The following SCYL2 variants were observed in gnomAD, a reference collection of about 807,000 sequenced individuals.
SCYL2 encodes the protein SCY1 like pseudokinase 2, also known as SCY1-like protein 2.
SCYL2 carries 36 observed loss-of-function variants against 100.4 expected under a neutral mutation model. That is an observed-to-expected ratio of 0.36 (90% CI 0.27 to 0.47). The LOEUF (loss-of-function observed/expected upper bound fraction) is 0.47, where lower values mean the gene tolerates loss of function less well. Ranked by LOEUF, SCYL2 falls within the 20% of genes least tolerant of loss-of-function variation. The pLI, the probability that SCYL2 is intolerant of heterozygous loss-of-function variation, is 1.00. For synonymous variants in SCYL2, 330 were observed against 359.2 expected (o/e 0.92, Z 0.92); for missense variants, 902 against 1,083.9 (o/e 0.83, Z 2.36).
chr12:100,295,696 AGGGAGAGGGAGACCGTGGGGAGAC>A (rs1389130994), intron 3 of SCYL2, among the ~76,000 whole-genome samples: 2 of 150,802 alleles, frequency 1.3e-5, no homozygotes, highest in Admixed American at 6.6e-5. Context: ...GTGGAAACAG[AGGGAGAGGGAGACCGTGGGGAGAC>A]GGGAGAGGGA....
Position 100,313,372 on chromosome 12 carries a change from G to A in SCYL2, c.853-50G>A, listed in dbSNP as rs750934873. 1.6e-4 allele frequency: 133 copies of A among 809,548 alleles called. 2 individuals carry two copies. In the Admixed American group the frequency reaches 3.1e-3, roughly 19 times the overall value. The allele number at this position is 809,548 out of a possible 1,614,324, so 50.1% of individuals were successfully genotyped here. A position where few individuals can be genotyped will look rare whatever the true frequency, so the allele number is the denominator to read the frequency against. The stretch of plus-strand genomic sequence containing the variant: ...TTTAAATGTTTTCTTAAATGTATAT[G>A]TCTTTTTAAATATTTTATACTCATT... On this transcript the variant is annotated intron_variant, in intron 6 of 17. Coordinates refer to ENST00000360820, the MANE Select transcript of SCYL2 (RefSeq NM_017988.6).
intron 17 of SCYL2, among the ~76,000 whole-genome samples, chr12:100,337,783 C>T (rs1192340489): frequency 6.6e-6 from 1 of 152,166 alleles, no homozygotes. Flanking sequence ...TCATTCAACT[C>T]TGTTCACTCT....
chr12:100,333,914 A>G (rs546560012), intron 13 of SCYL2: 3 of 315,738 alleles, frequency 9.5e-6, no homozygotes, highest in Admixed American at 9.6e-5. Context: ...AGTAAAACTC[A>G]TTATTGAGAC....
chr12:100,283,948 C>G (rs1159470436), intron 2 of SCYL2, among the ~76,000 whole-genome samples: 1 of 152,100 alleles, frequency 6.6e-6, no homozygotes, highest in Non-Finnish European at 1.5e-5. Context: ...CGATTTGTTA[C>G]TTTTGAACAT....
In SCYL2 at chr12:100,334,771, C is replaced by T. The variant is rs77221369; in HGVS notation, c.1862+505C>T. ...AAATTATTTGCAGAAAACTAGTATT[C>T]AAAGAAGGCAAAGATGGAAATCGTT... On this transcript the variant is annotated intron_variant, in intron 14 of 17. Coordinates refer to ENST00000360820, the MANE Select transcript of SCYL2 (RefSeq NM_017988.6). Among the ~76,000 whole-genome samples, 1,038 of 151,902 alleles carry T rather than the reference C, an allele frequency of 6.8e-3. 14 individuals carry two copies. Among genetic ancestry groups the T allele is most frequent in the Non-Finnish European group, 7.6e-3 (515 of 67,874 alleles).
intron 12 of SCYL2, among the ~76,000 whole-genome samples, 159 bp from the exon 13 acceptor site, chr12:100,329,042 T>C (rs1418046207): frequency 6.6e-6 from 1 of 152,210 alleles, no homozygotes; most frequent in Non-Finnish European, 1.5e-5. Context: ...GCTGAAATCA[T>C]TCTGATTCAT....
intron 1 of SCYL2, among the ~76,000 whole-genome samples, chr12:100,278,187 A>G (rs2096294480): frequency 6.6e-6 from 1 of 151,926 alleles, no homozygotes; most frequent in Non-Finnish European, 1.5e-5. Context: ...AAAAACTTTA[A>G]GTTTTTTTTG....
chr12:100,295,144 G>T (rs1245401065), intron 3 of SCYL2, among the ~76,000 whole-genome samples: 4 of 151,814 alleles, frequency 2.6e-5, no homozygotes, highest in South Asian at 4.1e-4. Context: ...TGGGATGGCG[G>T]CAGGGAAGAG....
chr12:100,319,524 C>G (rs1367950734), intron 10 of SCYL2, among the ~76,000 whole-genome samples: 1 of 152,112 alleles, frequency 6.6e-6, no homozygotes, highest in African/African-American at 2.4e-5. Flanking sequence ...TGTAACTTTG[C>G]TAAGATTTGG....
chr12:100,333,883 T>C (rs901621602), intron 13 of SCYL2: 2 of 252,132 alleles, frequency 7.9e-6, no homozygotes, highest in African/African-American at 2.3e-5. Flanking sequence ...CCCTGAATAA[T>C]AGCTATTAAA....
In SCYL2 at chr12:100,267,279, G is replaced by A. The variant is rs1322593160; in HGVS notation, c.-542G>A. On this transcript the variant is annotated 5_prime_UTR_variant, in exon 1 of 18. The change abolishes an upstream ATG in the 5' untranslated region. Transcript: ENST00000360820. ...CGGCCGCGGGGGCGGCGGAGGATAT[G>A]GAGTAAAGCCAGAGTCAGTGGCCAG... 1 of 582,926 alleles carries A rather than the reference G, an allele frequency of 1.7e-6. No individual in the cohort carries two copies. The highest frequency in any genetic ancestry group is 3.0e-6 in the Non-Finnish European group (1 of 333,282). 36.1% of individuals were successfully genotyped at this position (582,926 alleles called of 1,614,324 possible).
chr12:100,274,571 A>G (rs940583488), intron 1 of SCYL2, among the ~76,000 whole-genome samples: 1 of 152,138 alleles, frequency 6.6e-6, no homozygotes, highest in Non-Finnish European at 1.5e-5. Context: ...CTTGTGCTTT[A>G]CTCTTAAGTG....
chr12:100,329,114 A>T, intron 12 of SCYL2, 87 bp from the exon 13 acceptor site: 1 of 678,430 alleles, frequency 1.5e-6, no homozygotes, highest in South Asian at 1.7e-5. Context: ...CAGATTATCA[A>T]GGGATTTCGT....
intron 1 of SCYL2, among the ~76,000 whole-genome samples, chr12:100,277,985 G>C (rs2096294260): frequency 6.6e-6 from 1 of 151,974 alleles, no homozygotes; most frequent in Non-Finnish European, 1.5e-5. Context: ...CAAATATAAT[G>C]TAAGGATCTT....
chr12:100,317,963 T>C, intron 10 of SCYL2, 38 bp downstream of exon 10: 3 of 1,517,774 alleles, frequency 2.0e-6, no homozygotes, highest in Non-Finnish European at 2.6e-6. Context: ...ATGATGATTT[T>C]GATTCTTAAA....
chr12:100,294,621 C>A (rs1390678833), intron 3 of SCYL2, among the ~76,000 whole-genome samples: 1 of 139,630 alleles, frequency 7.2e-6, no homozygotes, highest in African/African-American at 2.7e-5. Flanking sequence ...GGCAGAGGGG[C>A]TCCTCACTTC....
chr12:100,297,296 A>G (rs901520691), intron 3 of SCYL2, among the ~76,000 whole-genome samples: 2 of 152,232 alleles, frequency 1.3e-5, no homozygotes, highest in Admixed American at 6.5e-5. Context: ...GGTTCAGAAC[A>G]GTAGTGTCCA....
At chr12:100,279,255 C>A (rs974956515) in intron 1 of SCYL2, among the ~76,000 whole-genome samples, 26 of 152,212 alleles carry the variant, frequency 1.7e-4, no homozygotes, top group Admixed American at 1.5e-3. Context: ...CAACCTAGGT[C>A]CCTTGCATGT....
At chr12:100,281,038 T>TG (rs1275768862) in intron 1 of SCYL2, among the ~76,000 whole-genome samples, 1 of 138,042 alleles carries the variant, frequency 7.2e-6, no homozygotes, top group African/African-American at 2.7e-5. Flanking sequence ...TTTTTTTTTT[T>TG]TTTTTTTTTT....
Sources: gnomAD v4.1 joint callset for allele counts (sites outside exome capture counted in the v4.1 genomes callset) on GRCh38, gnomAD v4.1.1 for gene constraint, MANE v1.5 for transcripts, NCBI Gene and HGNC (gene_info 2026-07-23, HGNC 2026-07-21) for gene names.